The following FLRT2 variants were observed in gnomAD, a reference collection of about 807,000 sequenced individuals.
FLRT2 encodes fibronectin leucine rich transmembrane protein 2.
FLRT2 carries 15 observed loss-of-function variants against 40.0 expected under a neutral mutation model. That is an observed-to-expected ratio of 0.38 (90% CI 0.25 to 0.58). The LOEUF (loss-of-function observed/expected upper bound fraction) is 0.58, where lower values mean the gene tolerates loss of function less well. Ranked by LOEUF, FLRT2 falls within the 20% of genes least tolerant of loss-of-function variation. The pLI, the probability that FLRT2 is intolerant of heterozygous loss-of-function variation, is 0.71. For missense variants in FLRT2, 726 were observed against 840.0 expected (o/e 0.86, Z 1.68); for synonymous variants, 380 against 336.8 (o/e 1.13, Z -1.41).
At chr14:85,602,328 C>A (rs1454456093) in intron 1 of FLRT2, among the ~76,000 whole-genome samples, 2 of 152,052 alleles carry the variant, frequency 1.3e-5, no homozygotes, top group African/African-American at 4.8e-5. Flanking sequence ...TAGAATAGTC[C>A]CTTTGCTCCG....
intron 1 of FLRT2, among the ~76,000 whole-genome samples, chr14:85,564,699 A>G (rs571973028): frequency 1.1e-4 from 16 of 152,350 alleles, no homozygotes; most frequent in Admixed American, 9.8e-4. Context: ...TTACAGAAAA[A>G]TACTACTATA....
At chr14:85,569,538 A>G (rs1175346048) in intron 1 of FLRT2, among the ~76,000 whole-genome samples, 1 of 152,230 alleles carries the variant, frequency 6.6e-6, no homozygotes, top group East Asian at 1.9e-4. Context: ...GATAAATGTT[A>G]GAGACAAAGG....
intron 1 of FLRT2, among the ~76,000 whole-genome samples, chr14:85,569,270 A>C (rs1477216135): frequency 6.6e-6 from 1 of 152,306 alleles, no homozygotes; most frequent in Non-Finnish European, 1.5e-5. Context: ...TGGCAGTTGA[A>C]CACTGATTGT....
chr14:85,564,618 G>T (rs1027386497), intron 1 of FLRT2, among the ~76,000 whole-genome samples: 2 of 152,158 alleles, frequency 1.3e-5, no homozygotes, highest in African/African-American at 4.8e-5. Flanking sequence ...AACATCAAAA[G>T]GCAGTATTTG....
At position 85,612,508 on chromosome 14, in the gene FLRT2, A is replaced by G. The variant is rs147972686; in HGVS notation, c.-376-8631A>G. ...GGGTTTTATTTAAAGCTTTAGAATG[A>G]CTCGATTTGATCTTAACCCATTTCT... On this transcript the variant is annotated intron_variant, in intron 1 of 1. Transcript: ENST00000330753. Among the ~76,000 whole-genome samples, 415 of 152,030 alleles carry G rather than the reference A, an allele frequency of 2.7e-3. 2 individuals carry two copies. The highest frequency in any genetic ancestry group is 9.7e-3 in the African/African-American group (401 of 41,454).
intron 1 of FLRT2, among the ~76,000 whole-genome samples, chr14:85,594,203 G>A (rs183522881): frequency 1.2e-4 from 19 of 152,078 alleles, no homozygotes; most frequent in African/African-American, 3.6e-4. Context: ...GTTTTGTTTA[G>A]TAATGTTAAA....
chr14:85,534,548 G>A (rs117715901), intron 1 of FLRT2, among the ~76,000 whole-genome samples: 5,493 of 152,206 alleles, frequency 0.036, 147 homozygotes, highest in Middle Eastern at 0.061. Context: ...ATTTTCAGGG[G>A]TGAGGTGAAA....
Position 85,651,528 on chromosome 14 carries a change from T to C in FLRT2, c.*28031T>C, listed in dbSNP as rs1894433291. The C allele has an allele frequency of 6.6e-6, 1 of 152,102 alleles. No homozygotes were observed. Among genetic ancestry groups the C allele is most frequent in the Non-Finnish European group, 1.5e-5 (1 of 67,972 alleles). 9.4% of individuals were successfully genotyped at this position (152,102 alleles called of 1,614,324 possible). A position where few individuals can be genotyped will look rare whatever the true frequency, so the allele number is the denominator to read the frequency against. Reference sequence around the variant, plus strand: ...TCAATAATATCTTATACTATGACTCTATATTATTAATTGGGAAGATTTTAG... The same window carrying C: ...TCAATAATATCTTATACTATGACTCCATATTATTAATTGGGAAGATTTTAG... On this transcript the variant is annotated 3_prime_UTR_variant, in exon 2 of 2. Coordinates refer to ENST00000330753, the MANE Select transcript of FLRT2 (RefSeq NM_013231.6).
intron 1 of FLRT2, among the ~76,000 whole-genome samples, chr14:85,600,941 T>G (rs1892353914): frequency 6.6e-6 from 1 of 152,190 alleles, no homozygotes; most frequent in South Asian, 2.1e-4. Context: ...AATGACAAGT[T>G]TAGTCTTTAT....
chr14:85,553,960 G>T (rs1405891667), intron 1 of FLRT2, among the ~76,000 whole-genome samples: 1 of 152,208 alleles, frequency 6.6e-6, no homozygotes, highest in Non-Finnish European at 1.5e-5. Context: ...TCACTTAAAG[G>T]GTAGGGTAGA....
In FLRT2 at chr14:85,622,641, C is replaced by T. The variant is rs371200437; in HGVS notation, c.1127C>T (p.Thr376Ile). 14 of 1,613,870 alleles carry T rather than the reference C, an allele frequency of 8.7e-6. No homozygotes were observed. Among genetic ancestry groups the T allele is most frequent in the Non-Finnish European group, 1.2e-5 (14 of 1,180,016 alleles). Reference sequence around the variant, plus strand: ...CCTCTCTTCACCCCAGCCCCAAGTACAGCTTCTCCGACCACTCAGCCTCCC... The same window carrying T: ...CCTCTCTTCACCCCAGCCCCAAGTATAGCTTCTCCGACCACTCAGCCTCCC... ...GLPLFTPAPS[T>I]ASPTTQPPTL... Residue 376 changes from threonine to isoleucine, a missense_variant, in exon 2 of 2, where the codon ACA becomes ATA. This residue lies in a region of FLRT2 where 611 missense variants were observed against 690.0 expected (regional missense o/e 0.89). Transcript: ENST00000330753.
chr14:85,654,356 TCTAA>T lies in FLRT2; in HGVS notation c.*30864_*30867del, dbSNP rs1404408412. 4 of 152,184 alleles carry T rather than the reference TCTAA, an allele frequency of 2.6e-5. No individual in the cohort carries two copies. Among genetic ancestry groups the T allele is most frequent in the African/African-American group, 9.6e-5 (4 of 41,452 alleles). The allele number at this position is 152,184 out of a possible 1,614,324, so 9.4% of individuals were successfully genotyped here. A position where few individuals can be genotyped will look rare whatever the true frequency, so the allele number is the denominator to read the frequency against. Reference sequence around the variant, plus strand: ...GTTACCCATATTCTTATCAGCCAGATCTAACTAATTTTACCATTTTCATATCTCT... The same window carrying T: ...GTTACCCATATTCTTATCAGCCAGATCTAATTTTACCATTTTCATATCTCT... On this transcript the variant is annotated 3_prime_UTR_variant, in exon 2 of 2. Transcript: ENST00000330753.
intron 1 of FLRT2, among the ~76,000 whole-genome samples, chr14:85,533,337 T>A (rs1888408569): frequency 6.6e-6 from 1 of 151,256 alleles, no homozygotes; most frequent in African/African-American, 2.4e-5. Flanking sequence ...CCCGGCCGCG[T>A]CGGATTGAGG....
intron 1 of FLRT2, among the ~76,000 whole-genome samples, chr14:85,569,571 G>T (rs967171165): frequency 6.6e-6 from 1 of 152,182 alleles, no homozygotes. Flanking sequence ...CCAGGACACT[G>T]GACGTGTACT....
intron 1 of FLRT2, among the ~76,000 whole-genome samples, chr14:85,543,483 C>T (rs1889096232): frequency 6.6e-6 from 1 of 151,852 alleles, no homozygotes; most frequent in African/African-American, 2.4e-5. Flanking sequence ...ATCAGTGTCC[C>T]CTAAACCATT....
chr14:85,561,551 T>A (rs1307271579), intron 1 of FLRT2, among the ~76,000 whole-genome samples: 1 of 152,192 alleles, frequency 6.6e-6, no homozygotes, highest in Non-Finnish European at 1.5e-5. Flanking sequence ...ACAGAACGAA[T>A]GTTGGAAATG....
chr14:85,545,964 T>C (rs1889257126), intron 1 of FLRT2, among the ~76,000 whole-genome samples: 1 of 152,238 alleles, frequency 6.6e-6, no homozygotes, highest in Non-Finnish European at 1.5e-5. Context: ...GACTGTGTTA[T>C]TAATAGGTCA....
At position 85,644,173 on chromosome 14, in the gene FLRT2, T is replaced by A. The variant is rs1894235622; in HGVS notation, c.*20676T>A. 1 of 152,122 alleles carries A rather than the reference T, an allele frequency of 6.6e-6. No homozygotes were observed. Among genetic ancestry groups the A allele is most frequent in the African/African-American group, 2.4e-5 (1 of 41,402 alleles). 9.4% of individuals were successfully genotyped at this position (152,122 alleles called of 1,614,324 possible). A position where few individuals can be genotyped will look rare whatever the true frequency, so the allele number is the denominator to read the frequency against. ...TTTTAATCTATGAAGTAGTTGGCTA[T>A]GTTTTGGAGAATATACAATTAATGT... On this transcript the variant is annotated 3_prime_UTR_variant, in exon 2 of 2. Transcript: ENST00000330753.
At chr14:85,587,304 AAG>A (rs1555368474) in intron 1 of FLRT2, among the ~76,000 whole-genome samples, 26 of 77,050 alleles carry the variant, frequency 3.4e-4, no homozygotes, top group East Asian at 1.5e-3. Context: ...AAAAAAAAAA[AAG>A]AAGAAAGCAG....
Sources: allele counts gnomAD v4.1 joint callset (sites outside exome capture counted in the v4.1 genomes callset), GRCh38; gene constraint gnomAD v4.1.1; regional missense constraint gnomAD v4.1.1; transcripts MANE v1.5; gene names NCBI Gene and HGNC (gene_info 2026-07-23, HGNC 2026-07-21).